The following ACOT7 variants were observed in gnomAD, a reference collection of about 807,000 sequenced individuals.
ACOT7 encodes the protein cytosolic acyl coenzyme A thioester hydrolase.
Under a neutral mutation model 40.2 loss-of-function variants are expected in ACOT7, and 12 were observed. That is an observed-to-expected ratio of 0.30 (90% CI 0.19 to 0.48). The LOEUF is 0.48. ACOT7 is among the 20% of genes least tolerant of loss of function. The probability of loss-of-function intolerance (pLI) is 0.99; values close to 1 mark genes in which losing one functional copy is unlikely to be tolerated. For synonymous variants in ACOT7, 228 were observed against 219.5 expected (o/e 1.04, Z -0.34); for missense variants, 395 against 530.8 (o/e 0.74, Z 2.51).
At chr1:6,367,434 C>T (rs1188736138) in intron 1 of ACOT7, among the ~76,000 whole-genome samples, 2 of 152,198 alleles carry the variant, frequency 1.3e-5, no homozygotes, top group African/African-American at 4.8e-5. Context: ...CTGGAGCTCC[C>T]ATGCCTGCCA....
intron 8 of ACOT7, among the ~76,000 whole-genome samples, chr1:6,268,781 G>A (rs975012308): frequency 8.5e-5 from 13 of 152,224 alleles, no homozygotes; most frequent in South Asian, 8.3e-4. Context: ...GCAGTGGAGC[G>A]GAGCCCTCGA....
chr1:6,341,539 G>A (rs7527547), intron 2 of ACOT7, among the ~76,000 whole-genome samples: 1,567 of 152,242 alleles, frequency 0.01, 28 homozygotes, highest in African/African-American at 0.036. Flanking sequence ...TCAGGAGATC[G>A]AGACCATCCT....
intron 1 of ACOT7, among the ~76,000 whole-genome samples, chr1:6,369,265 G>A (rs1642080238): frequency 6.6e-6 from 1 of 152,120 alleles, no homozygotes; most frequent in Non-Finnish European, 1.5e-5. Flanking sequence ...ACAGGCGTGA[G>A]CCACCTCGCC....
intron 1 of ACOT7, among the ~76,000 whole-genome samples, chr1:6,365,450 A>C (rs967646008): frequency 2.0e-5 from 3 of 152,210 alleles, no homozygotes; most frequent in African/African-American, 7.2e-5. Context: ...TATGCCTTAA[A>C]AAAAAGTATA....
chr1:6,272,444 G>A (rs747250230), intron 8 of ACOT7, among the ~76,000 whole-genome samples: 1 of 152,206 alleles, frequency 6.6e-6, no homozygotes, highest in Non-Finnish European at 1.5e-5. Context: ...AAGATGAGAT[G>A]AGAGTGTCCA....
At chr1:6,369,894 G>A (rs1642095943) in intron 1 of ACOT7, among the ~76,000 whole-genome samples, 1 of 152,160 alleles carries the variant, frequency 6.6e-6, no homozygotes, top group Admixed American at 6.6e-5. Flanking sequence ...CAACTTGAAA[G>A]TCAAGATTAC....
rs556797501 is a variant in ACOT7 at position 6,343,162 on chromosome 1, G to A, written c.262-3573C>T. Among the ~76,000 whole-genome samples, 56 of 152,296 alleles carry A rather than the reference G, an allele frequency of 3.7e-4. 1 individual carries two copies. Among genetic ancestry groups the A allele is most frequent in the Middle Eastern group, 3.4e-3 (1 of 294 alleles). ...CACCCCGACAAGGGGTGCCACATTA[G>A]GCAAGCGTCCCAGAGCACACAGAGT... On this transcript the variant is annotated intron_variant, in intron 2 of 8. Transcript: ENST00000361521.
Position 6,289,897 on chromosome 1 carries a change from CAGAATAATGTGCTCCCAA to C in ACOT7, c.829+4949_829+4966del, listed in dbSNP as rs372554881. 1.5e-3 allele frequency among the ~76,000 whole-genome samples: 221 copies of C among 152,308 alleles called. 1 individual carries two copies. Among genetic ancestry groups the C allele is most frequent in the African/African-American group, 5.1e-3 (211 of 41,560 alleles). On this transcript the variant is annotated intron_variant, in intron 7 of 8. Coordinates refer to ENST00000361521, the MANE Select transcript of ACOT7 (RefSeq NM_007274.4). The surrounding 1 kb of genome is among the most constrained non-coding windows in gnomAD (Gnocchi z 4.6). Reference sequence around the variant, plus strand: ...GAAAACCCCCTTCCACCTGCTAAGACAGAATAATGTGCTCCCAAAAGATGCCCACACCCAAATCCACTG... The same window carrying C: ...GAAAACCCCCTTCCACCTGCTAAGACAAGATGCCCACACCCAAATCCACTG...
intron 4 of ACOT7, among the ~76,000 whole-genome samples, chr1:6,327,980 G>A (rs1640853090): frequency 6.6e-6 from 1 of 151,948 alleles, no homozygotes; most frequent in Non-Finnish European, 1.5e-5. Context: ...CACGATGTTG[G>A]CCAGGCTCAT....
At chr1:6,321,411 T>C (rs1036121858) in intron 5 of ACOT7, among the ~76,000 whole-genome samples, 1 of 151,752 alleles carries the variant, frequency 6.6e-6, no homozygotes, top group Non-Finnish European at 1.5e-5. Flanking sequence ...GCCTGGTGTA[T>C]TTTTTTTACT....
chr1:6,324,696 C>T (rs1468166906), intron 5 of ACOT7, among the ~76,000 whole-genome samples: 1 of 152,180 alleles, frequency 6.6e-6, no homozygotes, highest in African/African-American at 2.4e-5. Flanking sequence ...ATGTTCCATC[C>T]AACCCTCTCC....
chr1:6,314,012 G>T (rs1390257354), intron 6 of ACOT7, among the ~76,000 whole-genome samples: 2 of 152,140 alleles, frequency 1.3e-5, no homozygotes, highest in Non-Finnish European at 2.9e-5. Flanking sequence ...TCCCAGGAGA[G>T]CAGTTTAGAG....
chr1:6,291,326 C>A (rs760612862), intron 7 of ACOT7, among the ~76,000 whole-genome samples: 2 of 151,908 alleles, frequency 1.3e-5, no homozygotes, highest in Non-Finnish European at 2.9e-5. Context: ...GAGGAAGAGG[C>A]CTTGTGACCA....
At chr1:6,381,999 G>A (rs956355936) in intron 1 of ACOT7, among the ~76,000 whole-genome samples, 4 of 151,716 alleles carry the variant, frequency 2.6e-5, no homozygotes, top group African/African-American at 7.3e-5. Flanking sequence ...TTAGCTGGGC[G>A]TGATGGTGGG....
At position 6,359,869 on chromosome 1, in the gene ACOT7, G is replaced by A. The variant is rs549709405; in HGVS notation, c.144-10003C>T. 5.3e-5 allele frequency among the ~76,000 whole-genome samples: 8 copies of A among 152,308 alleles called. No homozygotes were observed. In the East Asian group the frequency reaches 1.5e-3, roughly 29 times the overall value. On this transcript the variant is annotated intron_variant, in intron 1 of 8. Transcript: ENST00000361521. This position sits in a 1 kb window ranked among gnomAD's most constrained non-coding sequence, Gnocchi z 4.1. ...GCCGGCCTCTGGGCAAGTTTCACAT[G>A]TTTAGTTGTGAAAGAGAAAGTTAGG...
intron 2 of ACOT7, among the ~76,000 whole-genome samples, chr1:6,346,042 G>A (rs1023037017): frequency 1.3e-5 from 2 of 152,234 alleles, no homozygotes; most frequent in Non-Finnish European, 2.9e-5. Flanking sequence ...AGCAGGTCAG[G>A]AGTGGAGCAG....
At chr1:6,273,752 G>A (rs375172185) in intron 8 of ACOT7, among the ~76,000 whole-genome samples, 17 of 152,382 alleles carry the variant, frequency 1.1e-4, no homozygotes, top group South Asian at 6.2e-4. Context: ...CGGGCGCAGC[G>A]GTGCCCATCC....
rs11121550 is a variant in ACOT7, at chr1:6,268,476, C to G, written c.1015-3781G>C. ...AGCCCCTCCTTTCTTCCCTAGGCAC[C>G]AATGATCTCCAGGCCCCAAAGAGAC... On this transcript the variant is annotated intron_variant, in intron 8 of 8. Coordinates refer to ENST00000361521, the MANE Select transcript of ACOT7 (RefSeq NM_007274.4). Among the ~76,000 whole-genome samples, 430 of 152,348 alleles carry G rather than the reference C, an allele frequency of 2.8e-3. 3 individuals carry two copies. The highest frequency in any genetic ancestry group is 9.8e-3 in the African/African-American group (406 of 41,588).
chr1:6,319,689 C>A (rs921400916), intron 5 of ACOT7, among the ~76,000 whole-genome samples: 2 of 152,216 alleles, frequency 1.3e-5, no homozygotes, highest in Non-Finnish European at 2.9e-5. Flanking sequence ...AGTTCAAGTG[C>A]CTGCCTCATC....
Sources: gnomAD v4.1 joint callset for allele counts (sites outside exome capture counted in the v4.1 genomes callset) on GRCh38, gnomAD v4.1.1 for gene constraint, Gnocchi (gnomAD v3.1) non-coding constraint, MANE v1.5 for transcripts, NCBI Gene and HGNC (gene_info 2026-07-23, HGNC 2026-07-21) for gene names.